Variants in PIAS2 observed in about 807,000 individuals in gnomAD.
PIAS2 encodes E3 SUMO-protein ligase PIAS2.
A neutral mutation model predicts 69.7 loss-of-function variants in PIAS2; 19 were observed. The ratio of observed to expected loss-of-function variants is 0.27; its 90% CI spans 0.19 to 0.40. PIAS2 has a LOEUF of 0.40. Among genes scored for constraint, PIAS2 ranks in the 10% least tolerant of loss-of-function variants. The pLI, the probability that PIAS2 is intolerant of heterozygous loss-of-function variation, is 1.00. For missense variants in PIAS2, 624 were observed against 757.0 expected, an observed-to-expected ratio of 0.82 and a Z score of 2.06; for synonymous variants, 261 against 263.2, an observed-to-expected ratio of 0.99 and a Z score of 0.08.
At chr18:46,861,429 A>G (rs998711116) in intron 3 of PIAS2, among the ~76,000 whole-genome samples, 2 of 152,240 alleles carry the variant, frequency 1.3e-5, no homozygotes, top group African/African-American at 4.8e-5. Context: ...AAGTTTGAGG[A>G]AAAACAGAAT....
At chr18:46,838,968 C>T (rs1364763091) in intron 8 of PIAS2, among the ~76,000 whole-genome samples, 1 of 152,180 alleles carries the variant, frequency 6.6e-6, no homozygotes, top group Non-Finnish European at 1.5e-5. Flanking sequence ...GACTAAATAC[C>T]TATTCAGCAC....
intron 13 of PIAS2, 114 bp downstream of exon 13, chr18:46,815,198 A>T (rs2041378321): frequency 2.6e-6 from 2 of 779,076 alleles, no homozygotes; most frequent in Non-Finnish European, 4.3e-6. Context: ...CCTTTCCATC[A>T]ATGTAAGTAA....
intron 8 of PIAS2, among the ~76,000 whole-genome samples, chr18:46,842,071 C>G (rs1292651469): frequency 6.6e-6 from 1 of 151,682 alleles, no homozygotes; most frequent in Admixed American, 6.6e-5. Context: ...ACAAAAGACA[C>G]CAAAATTAGC....
chr18:46,820,117 A>T (rs2042006576), intron 12 of PIAS2, among the ~76,000 whole-genome samples: 1 of 152,120 alleles, frequency 6.6e-6, no homozygotes, highest in Non-Finnish European at 1.5e-5. Flanking sequence ...GACATGAACC[A>T]TTCTTTTGTC....
intron 9 of PIAS2, among the ~76,000 whole-genome samples, chr18:46,834,405 T>C (rs1262286886): frequency 1.3e-5 from 2 of 152,150 alleles, no homozygotes; most frequent in Non-Finnish European, 2.9e-5. Flanking sequence ...ATAATGACTA[T>C]GTATAGGCCA....
rs869149927 is a variant in PIAS2 at position 46,807,383 on chromosome 18, A to ATATATATATATTTTTTT, written c.*5049_*5050insAAAAAAATATATATATA. 8.6e-5 allele frequency: 1 copy of ATATATATATATTTTTTT among 11,600 alleles called. No individual in the cohort carries two copies. The highest frequency in any genetic ancestry group is 1.3e-4 in the Non-Finnish European group (1 of 7,454). 0.7% of individuals were successfully genotyped at this position (11,600 alleles called of 1,614,324 possible). A position where few individuals can be genotyped will look rare whatever the true frequency, so the allele number is the denominator to read the frequency against. On this transcript the variant is annotated 3_prime_UTR_variant, in exon 14 of 14. Coordinates refer to ENST00000585916, the MANE Select transcript of PIAS2 (RefSeq NM_004671.5). ...TATATATATATATATATATATATAT[A>ATATATATATATTTTTTT]TTTTTTTTTTTTTTTTTTTTTTTTT...
At chr18:46,876,605 C>T (rs1367691546) in intron 2 of PIAS2, among the ~76,000 whole-genome samples, 3 of 152,038 alleles carry the variant, frequency 2.0e-5, no homozygotes, top group Non-Finnish European at 2.9e-5. Context: ...ATACTGCTCC[C>T]GATGGAACCA....
At chr18:46,843,317 C>G (rs575502674) in intron 8 of PIAS2, among the ~76,000 whole-genome samples, 1 of 152,306 alleles carries the variant, frequency 6.6e-6, no homozygotes, top group African/African-American at 2.4e-5. Context: ...CAAATACCCA[C>G]AAAACTACAT....
In PIAS2 at chr18:46,821,083, TA is replaced by T; in HGVS notation, c.1509-12del. On this transcript the variant is annotated splice_polypyrimidine_tract_variant and intron_variant, in intron 11 of 13. Transcript: ENST00000585916. ...TGATACATGAGAACCCTGTTTTAAA[TA>T]GCACGGGAAATTACAAACAATCTGG... 2 of 1,612,604 alleles carry T rather than the reference TA, an allele frequency of 1.2e-6. No homozygotes were observed. Among genetic ancestry groups the T allele is most frequent in the Non-Finnish European group, 1.7e-6 (2 of 1,179,210 alleles).
chr18:46,826,081 G>T (rs577011182), intron 11 of PIAS2, among the ~76,000 whole-genome samples: 14 of 152,190 alleles, frequency 9.2e-5, no homozygotes, highest in Non-Finnish European at 1.5e-4. Context: ...TTCATGGAAC[G>T]AACTAGGTAG....
chr18:46,910,284 T>G (rs2146287843), intron 1 of PIAS2, among the ~76,000 whole-genome samples: 1 of 152,310 alleles, frequency 6.6e-6, no homozygotes, highest in South Asian at 2.1e-4. Context: ...TGGACATGGT[T>G]GCAGTGGATG....
At chr18:46,871,487 G>A (rs1314523743) in intron 2 of PIAS2, among the ~76,000 whole-genome samples, 1 of 152,210 alleles carries the variant, frequency 6.6e-6, no homozygotes, top group Non-Finnish European at 1.5e-5. Flanking sequence ...TGGAGGAGCA[G>A]TCATTTTAAG....
At chr18:46,836,286 T>G in intron 9 of PIAS2, 71 bp downstream of exon 9, 1 of 1,128,344 alleles carries the variant, frequency 8.9e-7, no homozygotes, top group Non-Finnish European at 1.3e-6. Context: ...TTCAGTAAGT[T>G]GTAGTGAACA....
chr18:46,855,128 A>AAG (rs2047550258), intron 5 of PIAS2, among the ~76,000 whole-genome samples: 1 of 151,352 alleles, frequency 6.6e-6, no homozygotes, highest in Non-Finnish European at 1.5e-5. Flanking sequence ...AAAAAAAAAA[A>AAG]AAATTCCAGG....
At chr18:46,884,115 T>C (rs2052738372) in intron 2 of PIAS2, among the ~76,000 whole-genome samples, 1 of 152,104 alleles carries the variant, frequency 6.6e-6, no homozygotes, top group Non-Finnish European at 1.5e-5. Flanking sequence ...AAATCCAGGA[T>C]AGTGATTTAA....
At chr18:46,910,163 T>TAAA (rs2057098434) in intron 1 of PIAS2, among the ~76,000 whole-genome samples, 1 of 151,692 alleles carries the variant, frequency 6.6e-6, no homozygotes, top group Admixed American at 6.6e-5. Flanking sequence ...TCTCAAAAAA[T>TAAA]AAATAAATAA....
intron 10 of PIAS2, 136 bp downstream of exon 10, chr18:46,829,597 AT>A: frequency 1.4e-6 from 1 of 711,492 alleles, no homozygotes; most frequent in Non-Finnish European, 2.3e-6. Context: ...AATAAAAATC[AT>A]TTGGGGGAAA....
chr18:46,818,855 A>G (rs1016059209), intron 12 of PIAS2, among the ~76,000 whole-genome samples: 1 of 152,092 alleles, frequency 6.6e-6, no homozygotes, highest in Non-Finnish European at 1.5e-5. Context: ...TCAGCCTTGG[A>G]TATTAGTCTT....
At chr18:46,849,867 C>T (rs1033451572) in intron 5 of PIAS2, among the ~76,000 whole-genome samples, 1 of 152,144 alleles carries the variant, frequency 6.6e-6, no homozygotes, top group Non-Finnish European at 1.5e-5. Flanking sequence ...AAAACACACA[C>T]ACCACAAAAA....
Sources: gnomAD v4.1 joint callset for allele counts (sites outside exome capture counted in the v4.1 genomes callset) on GRCh38, gnomAD v4.1.1 for gene constraint, MANE v1.5 for transcripts, NCBI Gene and HGNC (gene_info 2026-07-23, HGNC 2026-07-21) for gene names.